STRA6: variants seen among roughly 807,000 people sequenced by gnomAD.
STRA6 encodes the protein receptor for retinol uptake STRA6.
STRA6 carries 48 observed loss-of-function variants against 83.6 expected under a neutral mutation model. That is an observed-to-expected ratio of 0.57 (90% CI 0.46 to 0.73). The LOEUF (loss-of-function observed/expected upper bound fraction) is 0.73, where lower values mean the gene tolerates loss of function less well. STRA6 is among the 30% of genes least tolerant of loss of function. The pLI is 0.00. For synonymous variants in STRA6, 353 were observed against 362.3 expected, an observed-to-expected ratio of 0.97 and a Z score of 0.29; for missense variants, 760 against 838.8, an observed-to-expected ratio of 0.91 and a Z score of 1.16.
At chr15:74,184,726 C>A (rs1173739173) in intron 13 of STRA6, among the ~76,000 whole-genome samples, 1 of 152,236 alleles carries the variant, frequency 6.6e-6, no homozygotes, top group Non-Finnish European at 1.5e-5. Context: ...GCAAGCTCCA[C>A]TAGCTGCCCT....
At chr15:74,193,463 G>A (rs776389347) in intron 8 of STRA6, among the ~76,000 whole-genome samples, 12 of 152,272 alleles carry the variant, frequency 7.9e-5, no homozygotes, top group South Asian at 2.1e-4. Context: ...TGCAGAACTC[G>A]GATTAGGCAC....
At chr15:74,204,936 A>AG (rs1465906885), upstream of STRA6, among the ~76,000 whole-genome samples, 6 of 123,092 alleles carry the variant, frequency 4.9e-5, no homozygotes, top group African/African-American at 1.4e-4. Context: ...CTCCATCTCA[A>AG]AAAAAAAGAA....
At position 74,185,001 on chromosome 15, in the gene STRA6, A is replaced by G; in HGVS notation, c.1145T>C (p.Met382Thr). The change falls in exon 13 of 19, where the codon ATG (methionine) becomes ACG (threonine). Residue 382 changes from methionine (M) to threonine (T), a missense_variant. Physicochemically the swap from Met to Thr is moderately conservative, Grantham distance 81. Transcript: ENST00000395105. The stretch of plus-strand genomic sequence containing the variant: ...TCACCTGTGTGTCACCAGTGAGCGC[A>G]TCAGGACCAGGAAGGTGAGTAAGCA... ...LSCLLTFLVL[M>T]RSLVTHRTNL... 1 of 1,614,020 alleles carries G rather than the reference A, an allele frequency of 6.2e-7. No homozygotes were observed. Among genetic ancestry groups the G allele is most frequent in the Non-Finnish European group, 8.5e-7 (1 of 1,179,972 alleles).
At chr15:74,183,821 G>T (rs1364785597) in intron 14 of STRA6, 35 bp downstream of exon 14, 1 of 1,613,548 alleles carries the variant, frequency 6.2e-7, no homozygotes, top group South Asian at 1.1e-5. Flanking sequence ...GGAGGCCCAG[G>T]CCAAGGCTGG....
At chr15:74,207,758 G>A (rs1054151857), upstream of STRA6, 61 of 1,535,706 alleles carry the variant, frequency 4.0e-5, no homozygotes, top group Non-Finnish European at 4.8e-5. Flanking sequence ...AACCTCATGC[G>A]GGCCCGTGAG....
intron 2 of STRA6, among the ~76,000 whole-genome samples, chr15:74,198,562 G>A (rs2073925451): frequency 6.6e-6 from 1 of 152,222 alleles, no homozygotes. Context: ...GTTTGGCCCT[G>A]TGATTCGCCC....
At chr15:74,194,635 G>A (rs1332972850) in intron 7 of STRA6, 7 of 681,510 alleles carry the variant, frequency 1.0e-5, no homozygotes, top group African/African-American at 1.9e-5. Flanking sequence ...CTGAAGTGAC[G>A]GCTCTTGGGA....
At chr15:74,180,305 T>C (rs996132822) in intron 18 of STRA6, 62 bp from the exon 19 acceptor site, 1 of 1,599,722 alleles carries the variant, frequency 6.3e-7, no homozygotes, top group Non-Finnish European at 8.6e-7. Flanking sequence ...TCCCTGGCCC[T>C]CAGACCTGAT....
chr15:74,197,555 T>C, intron 3 of STRA6, 132 bp from the exon 4 acceptor site: 1 of 1,082,312 alleles, frequency 9.2e-7, no homozygotes, highest in Non-Finnish European at 1.4e-6. Flanking sequence ...TCTTGGGGAC[T>C]GGTCAAGGGG....
chr15:74,186,406 G>T (rs1469121097), intron 12 of STRA6, among the ~76,000 whole-genome samples: 1 of 152,230 alleles, frequency 6.6e-6, no homozygotes, highest in Non-Finnish European at 1.5e-5. Context: ...TCAGAAGTTC[G>T]AGACCAGCCT....
At chr15:74,201,997 CCA>C (rs2074089246) in intron 2 of STRA6, among the ~76,000 whole-genome samples, 156 bp downstream of exon 2, 1 of 152,140 alleles carries the variant, frequency 6.6e-6, no homozygotes, top group Admixed American at 6.5e-5. Context: ...TGAATGAACC[CCA>C]GAGAGGCTGT....
intron 11 of STRA6, 108 bp downstream of exon 11, chr15:74,190,732 G>T: frequency 1.3e-6 from 2 of 1,546,348 alleles, no homozygotes; most frequent in Non-Finnish European, 1.8e-6. Flanking sequence ...CCTGGTCAGG[G>T]TTCTGGATGG....
At chr15:74,185,894 G>A (rs549082021) in intron 12 of STRA6, among the ~76,000 whole-genome samples, 16 of 152,368 alleles carry the variant, frequency 1.1e-4, no homozygotes, top group Non-Finnish European at 2.4e-4. Flanking sequence ...GATCCAGAAT[G>A]AGCCTGAGAT....
rs1006663617 is a variant in STRA6, at chr15:74,181,502, T to C, written c.1521-44A>G. On this transcript the variant is annotated intron_variant, in intron 16 of 18. Coordinates refer to ENST00000395105, the MANE Select transcript of STRA6 (RefSeq NM_022369.4). Reference sequence around the variant, plus strand: ...GCTGAGGCAGGCCGTTCCCCAGAGCTCCCTCCCCAGGGTCAGTGTCAGACC... The same window carrying C: ...GCTGAGGCAGGCCGTTCCCCAGAGCCCCCTCCCCAGGGTCAGTGTCAGACC... The C allele has an allele frequency of 5.6e-6, 9 of 1,604,426 alleles. No homozygotes were observed. The African/African-American group carries it at 1.1e-4, about 19-fold the overall frequency.
intron 14 of STRA6, chr15:74,183,412 A>C (rs2073087842): frequency 2.9e-6 from 2 of 696,402 alleles, no homozygotes; most frequent in African/African-American, 1.9e-5. Context: ...TACCCGGCTA[A>C]TTTTTGTATT....
At chr15:74,209,629 T>A (rs1049288702), upstream of STRA6, 4 of 597,804 alleles carry the variant, frequency 6.7e-6, no homozygotes, top group Non-Finnish European at 1.2e-5. Flanking sequence ...TCTGGAGTCC[T>A]GCTCTTCACC....
At position 74,189,241 on chromosome 15, in the gene STRA6, T is replaced by G; in HGVS notation, c.964A>C (p.Ile322Leu). ...LLLLVGVVPT[I>L]QKVRAGVTTD... ...GTGACCCCTGCCCTCACCTTCTGGA[T>G]AGTGGGTACCACGCCCACCAGCAGC... The change falls in exon 12 of 19, where the codon ATC becomes CTC. Residue 322 changes from isoleucine (I) to leucine (L), a missense_variant. Ile to Leu is a conservative substitution (Grantham distance 5). Coordinates refer to ENST00000395105, the MANE Select transcript of STRA6 (RefSeq NM_022369.4). 1.9e-6 allele frequency: 3 copies of G among 1,608,316 alleles called. No homozygotes were observed. In the South Asian group the frequency reaches 3.3e-5, roughly 18 times the overall value.
chr15:74,196,075 G>A lies in STRA6; in HGVS notation c.339C>T (p.Ser113=), dbSNP rs757249238. ...CCTCGTCGGGGAGCAGCAAACACAG[G>A]GAGCTCAGGAGGACCATGAAAACAG... ...PAAVFMVLLS[S]LCLLLPDEDA... The change falls in exon 5 of 19, where the codon TCC becomes TCT. Residue 113 remains serine, a synonymous_variant. Coordinates refer to ENST00000395105, the MANE Select transcript of STRA6 (RefSeq NM_022369.4). 4 of 1,614,036 alleles carry A rather than the reference G, an allele frequency of 2.5e-6. No individual in the cohort carries two copies. The highest frequency in any genetic ancestry group is 2.2e-5 in the East Asian group (1 of 44,884).
At position 74,183,866 on chromosome 15, in the gene STRA6, A is replaced by G. The variant is rs775869873; in HGVS notation, c.1290T>C (p.Phe430=). ...WMSFSAYQTA[F]ICLGLLVQQI... is the part of the protein sequence containing the mutation. ...GCAAGGGAGGCTCACCAAGGCAGAT[A>G]AAGGCTGTCTGGTAGGCACTGAAGC... Residue 430 remains phenylalanine, a synonymous_variant, in exon 14 of 19, where the codon TTT becomes TTC. Coordinates refer to ENST00000395105, the MANE Select transcript of STRA6 (RefSeq NM_022369.4). The G allele has an allele frequency of 9.3e-6, 15 of 1,613,930 alleles. No homozygotes were observed. Among genetic ancestry groups the G allele is most frequent in the Admixed American group, 1.7e-5 (1 of 60,014 alleles).
Sources: allele counts gnomAD v4.1 joint callset (sites outside exome capture counted in the v4.1 genomes callset), GRCh38; gene constraint gnomAD v4.1.1; transcripts MANE v1.5; gene names NCBI Gene and HGNC (gene_info 2026-07-23, HGNC 2026-07-21).